CCDC38: variants seen among roughly 807,000 people sequenced by gnomAD.
CCDC38 encodes coiled-coil domain-containing protein 38.
CCDC38 carries 69 observed loss-of-function variants against 72.8 expected under a neutral mutation model. The ratio of observed to expected loss-of-function variants is 0.95; its 90% CI spans 0.78 to 1.16. CCDC38 has a LOEUF of 1.16. CCDC38 is among the 50% of genes most tolerant of loss of function. CCDC38 has a pLI of 0.00. For missense variants in CCDC38, 626 were observed against 638.9 expected (o/e 0.98, Z 0.22); for synonymous variants, 201 against 213.2 (o/e 0.94, Z 0.50).
intron 13 of CCDC38, among the ~76,000 whole-genome samples, chr12:95,877,659 A>G (rs73227794): frequency 0.013 from 1,930 of 152,320 alleles, 21 homozygotes; most frequent in South Asian, 0.022. Flanking sequence ...ATGAAGAATA[A>G]TAAGTCAATC....
At chr12:95,926,498 G>A (rs1325931295) in intron 2 of CCDC38, among the ~76,000 whole-genome samples, 3 of 151,784 alleles carry the variant, frequency 2.0e-5, no homozygotes, top group African/African-American at 7.3e-5. Flanking sequence ...ACCAGCTCCT[G>A]GATTTATTAA....
Position 95,890,871 on chromosome 12 carries a change from C to T in CCDC38, c.832G>A (p.Val278Ile), listed in dbSNP as rs139965944. 119 of 1,607,610 alleles carry T rather than the reference C, an allele frequency of 7.4e-5. No homozygotes were observed. Among genetic ancestry groups the T allele is most frequent in the African/African-American group, 6.3e-4 (47 of 74,858 alleles). Residue 278 changes from valine (V) to isoleucine (I), a missense_variant, in exon 9 of 16, where the codon GTC becomes ATC. Coordinates refer to ENST00000344280, the MANE Select transcript of CCDC38 (RefSeq NM_182496.3). Reference sequence around the variant, plus strand: ...CCCTGAGAAGCATCTTCTGAAAGGACAGCTGTCCTCCCGGACTCCTCAAGG... The same window carrying T: ...CCCTGAGAAGCATCTTCTGAAAGGATAGCTGTCCTCCCGGACTCCTCAAGG... The part of the protein sequence containing the change: ...GILEESGRTA[V>I]LSEDASQGRD...
chr12:95,912,403 T>TA (rs943262509), intron 4 of CCDC38, among the ~76,000 whole-genome samples: 3 of 152,026 alleles, frequency 2.0e-5, no homozygotes, highest in Admixed American at 2.0e-4. Flanking sequence ...ACGTGGAAGC[T>TA]AAAAAAGTTG....
At chr12:95,937,084 C>CA (rs921129067) in intron 1 of CCDC38, among the ~76,000 whole-genome samples, 6 of 151,826 alleles carry the variant, frequency 4.0e-5, no homozygotes, top group African/African-American at 1.5e-4. Context: ...AAAAACAAAA[C>CA]AAAAAAATCA....
chr12:95,890,711 G>A, intron 9 of CCDC38, 121 bp downstream of exon 9: 3 of 570,922 alleles, frequency 5.3e-6, no homozygotes, highest in Non-Finnish European at 9.4e-6. Flanking sequence ...CTGGCTGCTA[G>A]GATTGAGGGT....
At chr12:95,883,963 C>T (rs1451913440) in intron 10 of CCDC38, among the ~76,000 whole-genome samples, 1 of 152,156 alleles carries the variant, frequency 6.6e-6, no homozygotes, top group African/African-American at 2.4e-5. Context: ...GTATGCACAT[C>T]TACAAAAATC....
At position 95,898,667 on chromosome 12, in the gene CCDC38, C is replaced by T. The variant is rs775160721; in HGVS notation, c.434G>A (p.Arg145Gln). 1.3e-5 allele frequency: 21 copies of T among 1,614,080 alleles called. No individual in the cohort carries two copies. The highest frequency in any genetic ancestry group is 3.3e-4 in the Middle Eastern group (2 of 6,062). The part of the protein sequence containing the change: ...KFEKDIAMRE[R>Q]QLKKAEKKLQ... ...CTTTTTCTCTGCTTTTTTTAGTTGCCGTTCCCTCATTGCTATGTCTTTTTC... is the reference window on the plus strand; with the variant it reads ...CTTTTTCTCTGCTTTTTTTAGTTGCTGTTCCCTCATTGCTATGTCTTTTTC... Residue 145 changes from arginine (R) to glutamine (Q), a missense_variant, in exon 6 of 16, where the codon CGG becomes CAG. Arg to Gln is a conservative substitution (Grantham distance 43). Coordinates refer to ENST00000344280, the MANE Select transcript of CCDC38 (RefSeq NM_182496.3).
chr12:95,938,841 A>G (rs148135522), intron 1 of CCDC38, among the ~76,000 whole-genome samples: 1 of 152,366 alleles, frequency 6.6e-6, no homozygotes, highest in East Asian at 1.9e-4. Flanking sequence ...GTACCAAAAG[A>G]GAGGGAAAAT....
chr12:95,875,679 C>T (rs2079628054), intron 13 of CCDC38, among the ~76,000 whole-genome samples: 1 of 152,262 alleles, frequency 6.6e-6, no homozygotes, highest in Middle Eastern at 3.4e-3. Context: ...AATTTTCCTG[C>T]TTCACCTCCC....
chr12:95,889,854 A>G (rs1379548202), intron 9 of CCDC38, among the ~76,000 whole-genome samples: 1 of 152,154 alleles, frequency 6.6e-6, no homozygotes, highest in Non-Finnish European at 1.5e-5. Context: ...TTTTCAAGAG[A>G]AGATAGAAAT....
At chr12:95,900,196 A>G (rs2079936061) in intron 5 of CCDC38, among the ~76,000 whole-genome samples, 1 of 152,208 alleles carries the variant, frequency 6.6e-6, no homozygotes, top group Non-Finnish European at 1.5e-5. Flanking sequence ...AACAGCAAAG[A>G]GACCACCAAG....
chr12:95,915,778 C>T (rs773635218), intron 4 of CCDC38, among the ~76,000 whole-genome samples: 54 of 152,184 alleles, frequency 3.5e-4, no homozygotes, highest in Non-Finnish European at 7.5e-4. Context: ...CCATTGCTGA[C>T]AGAGCCCAAA....
chr12:95,937,019 G>C (rs1009573242), intron 1 of CCDC38, among the ~76,000 whole-genome samples: 3 of 152,172 alleles, frequency 2.0e-5, no homozygotes, highest in African/African-American at 7.2e-5. Context: ...AGGGTTAGGT[G>C]ATTGAGGCAC....
At chr12:95,878,599 C>T (rs535338093) in intron 12 of CCDC38, among the ~76,000 whole-genome samples, 35 of 152,266 alleles carry the variant, frequency 2.3e-4, no homozygotes, top group African/African-American at 7.9e-4. Flanking sequence ...TGGTTCCATT[C>T]GAATTCCCCC....
chr12:95,937,702 G>A (rs561330423), intron 1 of CCDC38, among the ~76,000 whole-genome samples: 1 of 152,136 alleles, frequency 6.6e-6, no homozygotes, highest in South Asian at 2.1e-4. Flanking sequence ...AGCAGCAGAT[G>A]ATTAAGAACA....
chr12:95,901,564 T>G (rs9668340), intron 5 of CCDC38, among the ~76,000 whole-genome samples: 21,799 of 152,044 alleles, frequency 0.14, 1,756 homozygotes, highest in South Asian at 0.27. Flanking sequence ...ATTCCAACAC[T>G]TGAAGATCAG....
At chr12:95,897,808 C>T (rs1457809588) in intron 7 of CCDC38, among the ~76,000 whole-genome samples, 1 of 151,958 alleles carries the variant, frequency 6.6e-6, no homozygotes, top group Non-Finnish European at 1.5e-5. Context: ...GTTGCTAAGA[C>T]TTCACTTGAA....
intron 14 of CCDC38, 33 bp downstream of exon 14, chr12:95,872,222 T>C: frequency 6.3e-7 from 1 of 1,595,038 alleles, no homozygotes; most frequent in East Asian, 2.2e-5. Flanking sequence ...AACCAGCTAC[T>C]CATTAAGTCA....
rs184829263 is a variant in CCDC38 at position 95,898,459 on chromosome 12, T to C, written c.540A>G (p.Ala180=). 1 of 1,614,208 alleles carries C rather than the reference T, an allele frequency of 6.2e-7. No individual in the cohort carries two copies. Among genetic ancestry groups the C allele is most frequent in the East Asian group, 2.2e-5 (1 of 44,884 alleles). Residue 180 remains alanine, a synonymous_variant, in exon 7 of 16, where the codon GCA becomes GCG. Transcript: ENST00000344280. ...TTTGGAGTTTGTTTATTGTTTCCTG[T>C]GCTGCCCTGAAAAGCAATGAAGATC... ...QRSVDALKMA[A]QETINKLQMT...
Sources: allele counts gnomAD v4.1 joint callset (sites outside exome capture counted in the v4.1 genomes callset), GRCh38; gene constraint gnomAD v4.1.1; transcripts MANE v1.5; gene names NCBI Gene and HGNC (gene_info 2026-07-23, HGNC 2026-07-21).